ZFP30: variants seen among roughly 807,000 people sequenced by gnomAD.
ZFP30 encodes the protein ZFP30 zinc finger protein.
In ZFP30, 16 loss-of-function variants were observed where a neutral mutation model predicts 12.3. The observed-to-expected ratio is 1.30, with a 90% CI of 0.88 to 1.98. The LOEUF is 1.98. Ranked by LOEUF, ZFP30 falls within the 30% of genes most tolerant of loss-of-function variation. ZFP30 has a pLI of 0.00. For missense variants in ZFP30, 560 were observed against 611.2 expected (o/e 0.92, Z 0.88); for synonymous variants, 172 against 201.0 (o/e 0.86, Z 1.22).
chr19:37,634,782 T>C lies in ZFP30; in HGVS notation c.*199A>G. 3.7e-6 allele frequency: 2 copies of C among 540,468 alleles called. No individual in the cohort carries two copies. Among genetic ancestry groups the C allele is most frequent in the African/African-American group, 2.0e-5 (1 of 51,030 alleles). The allele number at this position is 540,468 out of a possible 1,614,324, so 33.5% of individuals were successfully genotyped here. On this transcript the variant is annotated 3_prime_UTR_variant, in exon 6 of 6. Coordinates refer to ENST00000684514, the MANE Select transcript of ZFP30 (RefSeq NM_001320669.3). ...TAATAAAGTTCTTTTCTAGGATGAA[T>C]TTCCTAAAGTTTAACATGGTTTCAA...
intron 3 of ZFP30, among the ~76,000 whole-genome samples, 180 bp from the exon 4 acceptor site, chr19:37,644,916 CA>C (rs34274239): frequency 1.2e-4 from 18 of 149,402 alleles, no homozygotes; most frequent in Non-Finnish European, 2.2e-4. Context: ...GAACTTGTCT[CA>C]AAAAAAAAGG....
At chr19:37,637,182 T>G (rs2044344685) in intron 5 of ZFP30, among the ~76,000 whole-genome samples, 1 of 151,882 alleles carries the variant, frequency 6.6e-6, no homozygotes, top group Admixed American at 6.6e-5. Context: ...TCCCAGTCAC[T>G]TCTTTCTTTT....
chr19:37,656,258 C>CT (rs2044753253), upstream of ZFP30: 1 of 152,610 alleles, frequency 6.6e-6, no homozygotes, highest in African/African-American at 2.4e-5. Flanking sequence ...CTGACGCTGG[C>CT]TGTAGCGGGT....
At chr19:37,637,790 T>A (rs2044360753) in intron 5 of ZFP30, among the ~76,000 whole-genome samples, 1 of 152,180 alleles carries the variant, frequency 6.6e-6, no homozygotes, top group Non-Finnish European at 1.5e-5. Flanking sequence ...GCCTGGCTAC[T>A]TATTTCTTGC....
intron 3 of ZFP30, 41 bp downstream of exon 3, chr19:37,647,773 A>G (rs753543444): frequency 2.2e-5 from 35 of 1,613,260 alleles, no homozygotes; most frequent in Middle Eastern, 1.7e-4. Flanking sequence ...TAACCTGAAA[A>G]AAATGACAGA....
At chr19:37,654,381 A>T (rs747920128) in intron 2 of ZFP30, among the ~76,000 whole-genome samples, 1 of 152,182 alleles carries the variant, frequency 6.6e-6, no homozygotes, top group Non-Finnish European at 1.5e-5. Flanking sequence ...GAACCATTAA[A>T]CATATCTAAA....
At chr19:37,639,921 T>G (rs1037749122) in intron 5 of ZFP30, among the ~76,000 whole-genome samples, 8 of 152,350 alleles carry the variant, frequency 5.3e-5, no homozygotes, top group African/African-American at 1.9e-4. Flanking sequence ...AGAAGGCTGT[T>G]CTATAATATA....
intron 3 of ZFP30, among the ~76,000 whole-genome samples, chr19:37,646,250 C>T (rs1216489645): frequency 6.6e-6 from 1 of 152,110 alleles, no homozygotes; most frequent in Non-Finnish European, 1.5e-5. Context: ...TGGAATGTAT[C>T]CCCCTTGGGT....
intron 5 of ZFP30, among the ~76,000 whole-genome samples, chr19:37,637,456 CAG>C (rs370205552): frequency 7.0e-4 from 106 of 151,686 alleles, no homozygotes; most frequent in African/African-American, 2.4e-3. Flanking sequence ...CCCAAAGTGT[CAG>C]AATTACAGGC....
chr19:37,640,359 T>C (rs2044409904), intron 5 of ZFP30, among the ~76,000 whole-genome samples: 1 of 151,152 alleles, frequency 6.6e-6, no homozygotes, highest in Admixed American at 6.6e-5. Flanking sequence ...TCCAAAAACA[T>C]GTATGTAAAA....
Position 37,632,371 on chromosome 19 carries a change from A to T in ZFP30, c.*2610T>A, listed in dbSNP as rs1476719996. 6.6e-6 allele frequency: 1 copy of T among 152,236 alleles called. No homozygotes were observed. The highest frequency in any genetic ancestry group is 2.4e-5 in the African/African-American group (1 of 41,552). The allele number at this position is 152,236 out of a possible 1,614,324, so 9.4% of individuals were successfully genotyped here. ...GCAACTTATAACTTTAAAAATCCATAGCTGTCACTTTTATCATTCATATAG... is the reference window on the plus strand; with the variant it reads ...GCAACTTATAACTTTAAAAATCCATTGCTGTCACTTTTATCATTCATATAG... On this transcript the variant is annotated 3_prime_UTR_variant, in exon 6 of 6. Coordinates refer to ENST00000684514, the MANE Select transcript of ZFP30 (RefSeq NM_001320669.3).
chr19:37,643,244 C>T, intron 5 of ZFP30, 21 bp downstream of exon 5: 1 of 1,602,794 alleles, frequency 6.2e-7, no homozygotes, highest in South Asian at 1.1e-5. Flanking sequence ...AATGGCTGAC[C>T]TCTGCCTGAT....
chr19:37,643,625 C>T (rs1207769691), intron 4 of ZFP30, among the ~76,000 whole-genome samples: 3 of 152,182 alleles, frequency 2.0e-5, no homozygotes, highest in African/African-American at 7.2e-5. Flanking sequence ...TTCAATCTCT[C>T]TGCACCTCAT....
chr19:37,637,689 T>C (rs1283250004), intron 5 of ZFP30, among the ~76,000 whole-genome samples: 1 of 152,066 alleles, frequency 6.6e-6, no homozygotes, highest in African/African-American at 2.4e-5. Context: ...AGTTTCACAA[T>C]GTTGGCCAGG....
intron 5 of ZFP30, among the ~76,000 whole-genome samples, chr19:37,637,210 T>C (rs1291443126): frequency 1.3e-5 from 2 of 151,052 alleles, no homozygotes; most frequent in Non-Finnish European, 2.9e-5. Context: ...TTTCTTTTTT[T>C]TTTTTTTTTT....
chr19:37,637,960 T>C (rs908260354), intron 5 of ZFP30, among the ~76,000 whole-genome samples: 1 of 152,238 alleles, frequency 6.6e-6, no homozygotes, highest in Non-Finnish European at 1.5e-5. Flanking sequence ...ATTCTCATAA[T>C]TAGTCAACAA....
intron 5 of ZFP30, among the ~76,000 whole-genome samples, chr19:37,641,465 T>C (rs757730105): frequency 6.6e-6 from 1 of 152,228 alleles, no homozygotes. Context: ...TAACAGAGCA[T>C]TTCTAACATA....
chr19:37,652,947 G>C (rs1051694356), intron 2 of ZFP30, among the ~76,000 whole-genome samples: 1 of 151,606 alleles, frequency 6.6e-6, no homozygotes, highest in East Asian at 1.9e-4. Context: ...GTGAAACCCC[G>C]TCTCTACTAA....
chr19:37,639,212 ATATAAGTGATATTAATAAAAG>A (rs2044388552), intron 5 of ZFP30, among the ~76,000 whole-genome samples: 1 of 152,180 alleles, frequency 6.6e-6, no homozygotes, highest in Admixed American at 6.5e-5. Flanking sequence ...GACAAATAAG[ATATAAGTGATATTAATAAAAG>A]CATCATAATT....
Sources: allele counts gnomAD v4.1 joint callset (sites outside exome capture counted in the v4.1 genomes callset), GRCh38; gene constraint gnomAD v4.1.1; transcripts MANE v1.5; gene names NCBI Gene and HGNC (gene_info 2026-07-23, HGNC 2026-07-21).